The following EGF variants were observed in gnomAD, a reference collection of about 807,000 sequenced individuals.
EGF encodes pro-epidermal growth factor.
EGF carries 95 observed loss-of-function variants against 143.8 expected under a neutral mutation model. The ratio of observed to expected loss-of-function variants is 0.66; its 90% CI spans 0.56 to 0.78. The LOEUF (loss-of-function observed/expected upper bound fraction) is 0.78, where lower values mean the gene tolerates loss of function less well. Among genes scored for constraint, EGF ranks in the 30% least tolerant of loss-of-function variants. The pLI, the probability that EGF is intolerant of heterozygous loss-of-function variation, is 0.00. For synonymous variants in EGF, 510 were observed against 510.5 expected (o/e 1.00, Z 0.01); for missense variants, 1,320 against 1,470.9 (o/e 0.90, Z 1.68).
intron 1 of EGF, among the ~76,000 whole-genome samples, chr4:109,914,071 A>C (rs1736167922): frequency 6.6e-6 from 1 of 152,176 alleles, no homozygotes; most frequent in African/African-American, 2.4e-5. Flanking sequence ...CAAATATGAT[A>C]ATGGGTAAAT....
At chr4:109,948,102 A>G (rs1743158148) in intron 5 of EGF, among the ~76,000 whole-genome samples, 1 of 152,252 alleles carries the variant, frequency 6.6e-6, no homozygotes, top group Middle Eastern at 3.2e-3. Flanking sequence ...AAGAAAATCT[A>G]CAATGATTCA....
chr4:109,993,431 T>C, intron 19 of EGF, 62 bp downstream of exon 19: 1 of 1,601,118 alleles, frequency 6.2e-7, no homozygotes, highest in South Asian at 1.1e-5. Context: ...TTCTATACCC[T>C]AATCTCTATT....
rs2126186122 is a variant in EGF at position 110,004,079 on chromosome 4, C to G, written c.3174-426C>G. 2.0e-5 allele frequency among the ~76,000 whole-genome samples: 3 copies of G among 152,256 alleles called. No individual in the cohort carries two copies. The South Asian group carries it at 6.2e-4, about 32-fold the overall frequency. On this transcript the variant is annotated intron_variant, in intron 21 of 23. Coordinates refer to ENST00000265171, the MANE Select transcript of EGF (RefSeq NM_001963.6). ...ATTTTTTCCACAGACTGCCCCACTC[C>G]TCCCTGCAAAATTAGTTGTTTTTTC...
At chr4:109,989,938 G>A (rs968334429) in intron 18 of EGF, among the ~76,000 whole-genome samples, 6 of 151,834 alleles carry the variant, frequency 4.0e-5, no homozygotes, top group South Asian at 2.1e-4. Context: ...CTCTCTCCCC[G>A]CCCCATATAT....
At chr4:110,002,357 G>A (rs1303193022) in intron 21 of EGF, among the ~76,000 whole-genome samples, 1 of 152,094 alleles carries the variant, frequency 6.6e-6, no homozygotes, top group Non-Finnish European at 1.5e-5. Context: ...CCCAGGCATG[G>A]TGGCACACAG....
chr4:109,968,695 T>TCTATCTATCTAC, intron 10 of EGF: 2 of 402,280 alleles, frequency 5.0e-6, no homozygotes, highest in South Asian at 4.5e-5. Context: ...TATCTATCTA[T>TCTATCTATCTAC]CTATCTATCT....
At chr4:109,984,851 T>G (rs1380534927) in intron 16 of EGF, among the ~76,000 whole-genome samples, 2 of 152,198 alleles carry the variant, frequency 1.3e-5, no homozygotes, top group East Asian at 3.8e-4. Flanking sequence ...GAAAACTTCA[T>G]TAACATTAGG....
intron 1 of EGF, among the ~76,000 whole-genome samples, chr4:109,915,430 A>G (rs1386699561): frequency 1.3e-5 from 2 of 152,210 alleles, no homozygotes; most frequent in Non-Finnish European, 2.9e-5. Context: ...TCTCTGATCA[A>G]GTCATACGAT....
At chr4:109,999,978 G>A in intron 21 of EGF, 132 bp downstream of exon 21, 1 of 1,358,228 alleles carries the variant, frequency 7.4e-7, no homozygotes. Flanking sequence ...TAGGCTGGGT[G>A]CAGTGACCCA....
At position 109,963,209 on chromosome 4, in the gene EGF, T is replaced by C. The variant is rs1481030076; in HGVS notation, c.1349T>C (p.Leu450Pro). Reference sequence around the variant, plus strand: ...CCCGATAATGGTGGATGTAGCCAGCTCTGCGTTCCTCTTAGCCCAGTATCC... The same window carrying C: ...CCCGATAATGGTGGATGTAGCCAGCCCTGCGTTCCTCTTAGCCCAGTATCC... ...SSPDNGGCSQ[L>P]CVPLSPVSWE... Residue 450 changes from leucine to proline, a missense_variant, in exon 9 of 24, where the codon CTC (leucine) becomes CCC (proline). By Grantham distance (98) the Leu-to-Pro change is moderately conservative. Transcript: ENST00000265171. 6.2e-7 allele frequency: 1 copy of C among 1,614,102 alleles called. No homozygotes were observed.
intron 21 of EGF, among the ~76,000 whole-genome samples, chr4:110,003,216 G>A (rs554340491): frequency 6.6e-6 from 1 of 152,248 alleles, no homozygotes; most frequent in African/African-American, 2.4e-5. Context: ...TAGTTCTGCA[G>A]TTAACTCTTT....
intron 22 of EGF, among the ~76,000 whole-genome samples, chr4:110,006,351 A>G (rs528504413): frequency 1.3e-5 from 2 of 151,992 alleles, no homozygotes; most frequent in African/African-American, 4.8e-5. Context: ...TCTCTAAAGC[A>G]TGAGAAAGAA....
At chr4:109,927,305 A>AT (rs1441645653) in intron 1 of EGF, among the ~76,000 whole-genome samples, 11 of 152,172 alleles carry the variant, frequency 7.2e-5, no homozygotes, top group South Asian at 6.2e-4. Flanking sequence ...TTTAAACTAG[A>AT]TTTTTTATCA....
At position 109,944,005 on chromosome 4, in the gene EGF, A is replaced by G; in HGVS notation, c.673A>G (p.Asn225Asp). 5 of 1,614,210 alleles carry G rather than the reference A, an allele frequency of 3.1e-6. No individual in the cohort carries two copies. The highest frequency in any genetic ancestry group is 4.2e-6 in the Non-Finnish European group (5 of 1,180,032). The change falls in exon 4 of 24, where the codon AAT becomes GAT. Residue 225 changes from asparagine (N) to aspartate (D), a missense_variant. Coordinates refer to ENST00000265171, the MANE Select transcript of EGF (RefSeq NM_001963.6). ...FWIQYNREGS[N>D]SLICSCDYDG... The stretch of plus-strand genomic sequence containing the variant: ...GATTCAGTACAACAGAGAAGGAAGC[A>G]ATTCTCTTATTTGCTCCTGTGATTA...
At chr4:110,001,204 T>C (rs1752531384) in intron 21 of EGF, among the ~76,000 whole-genome samples, 1 of 152,246 alleles carries the variant, frequency 6.6e-6, no homozygotes, top group Non-Finnish European at 1.5e-5. Context: ...GAATAGTACT[T>C]ATCTCAAGGG....
chr4:109,985,998 G>T (rs985745523), intron 16 of EGF, among the ~76,000 whole-genome samples: 6 of 151,840 alleles, frequency 4.0e-5, no homozygotes, highest in East Asian at 1.9e-4. Flanking sequence ...GATCAAAGGG[G>T]TTTTTTTTAA....
At chr4:110,006,555 G>A (rs1753323396) in intron 22 of EGF, among the ~76,000 whole-genome samples, 1 of 152,162 alleles carries the variant, frequency 6.6e-6, no homozygotes, top group Non-Finnish European at 1.5e-5. Context: ...GAATGTGTTG[G>A]TTCTTTGAGG....
intron 23 of EGF, 53 bp from the exon 24 acceptor site, chr4:110,011,149 C>A: frequency 6.2e-7 from 1 of 1,602,452 alleles, no homozygotes; most frequent in Non-Finnish European, 8.5e-7. Flanking sequence ...GTCTGTCTTG[C>A]CTATCTATTG....
At chr4:109,963,083 TAAC>T in intron 8 of EGF, 87 bp from the exon 9 acceptor site, 1 of 1,457,414 alleles carries the variant, frequency 6.9e-7, no homozygotes, top group Non-Finnish European at 9.4e-7. Context: ...AAAAAAAAAT[TAAC>T]AAATGGTTGA....
Sources: gnomAD v4.1 joint callset for allele counts (sites outside exome capture counted in the v4.1 genomes callset) on GRCh38, gnomAD v4.1.1 for gene constraint, MANE v1.5 for transcripts, NCBI Gene and HGNC (gene_info 2026-07-23, HGNC 2026-07-21) for gene names.